PKHD1: variants seen among roughly 807,000 people sequenced by gnomAD.
PKHD1 encodes fibrocystin.
PKHD1 carries 291 observed loss-of-function variants against 412.0 expected under a neutral mutation model. The ratio of observed to expected loss-of-function variants is 0.71; its 90% CI spans 0.64 to 0.78. The LOEUF (loss-of-function observed/expected upper bound fraction) is 0.78. Among genes scored for constraint, PKHD1 ranks in the 30% least tolerant of loss-of-function variants. PKHD1 has a pLI of 0.00. For missense variants in PKHD1, 4,825 were observed against 4,950.7 expected, an observed-to-expected ratio of 0.97 and a Z score of 0.76; for synonymous variants, 1,777 against 1,821.5, an observed-to-expected ratio of 0.98 and a Z score of 0.62.
intron 55 of PKHD1, among the ~76,000 whole-genome samples, chr6:51,770,209 A>G (rs1347458644): frequency 1.3e-5 from 2 of 151,696 alleles, no homozygotes; most frequent in Non-Finnish European, 2.9e-5. Flanking sequence ...TTCACCTTAC[A>G]TTTCCTAGAG....
At chr6:52,050,373 G>A (rs1806621374) in intron 21 of PKHD1, 78 bp from the exon 22 acceptor site, 1 of 1,435,996 alleles carries the variant, frequency 7.0e-7, no homozygotes, top group Non-Finnish European at 9.8e-7. Context: ...AGTTGGAAAT[G>A]TGAGTTACTC....
At chr6:51,880,640 T>G (rs1777106129) in intron 46 of PKHD1, among the ~76,000 whole-genome samples, 1 of 25,362 alleles carries the variant, frequency 3.9e-5, no homozygotes, top group Non-Finnish European at 6.3e-5. Flanking sequence ...GGGGGAGGGA[T>G]AGCATTGGGA....
chr6:51,855,874 A>G lies in PKHD1; in HGVS notation c.7911+19T>C, dbSNP rs201017366. On this transcript the variant is annotated intron_variant, in intron 49 of 66. Coordinates refer to ENST00000371117, the MANE Select transcript of PKHD1 (RefSeq NM_138694.4). ...CAAATGAGAATGCAGCATACCAACT[A>G]ATGGATTCCTTGGGTTACCTGCAGA... 3.4e-4 allele frequency: 539 copies of G among 1,583,284 alleles called. 2 individuals carry two copies. The Middle Eastern group carries it at 3.7e-3, about 11-fold the overall frequency.
At chr6:51,732,193 T>C (rs1783314081) in intron 60 of PKHD1, among the ~76,000 whole-genome samples, 1 of 152,200 alleles carries the variant, frequency 6.6e-6, no homozygotes, top group Non-Finnish European at 1.5e-5. Context: ...TTATATTTCT[T>C]TTGAACAATA....
chr6:51,982,166 A>AC, intron 35 of PKHD1, among the ~76,000 whole-genome samples: 1 of 22,910 alleles, frequency 4.4e-5, no homozygotes, highest in East Asian at 1.0e-3. Flanking sequence ...CCCGGCAGCC[A>AC]CCCCGTCCGG....
intron 55 of PKHD1, among the ~76,000 whole-genome samples, chr6:51,761,231 A>T (rs1787956453): frequency 6.6e-6 from 1 of 152,252 alleles, no homozygotes; most frequent in African/African-American, 2.4e-5. Context: ...TACACTCTGG[A>T]ATACTATTCA....
intron 50 of PKHD1, among the ~76,000 whole-genome samples, chr6:51,843,361 G>C (rs1208607311): frequency 2.0e-5 from 3 of 152,204 alleles, no homozygotes. Context: ...CTCAGGCCTG[G>C]GCCTGACTGA....
chr6:51,730,667 G>A (rs989906), intron 60 of PKHD1, among the ~76,000 whole-genome samples: 151,522 of 152,288 alleles, frequency 0.99, 75,389 homozygotes, highest in Middle Eastern at 1. Flanking sequence ...AACCAGACAA[G>A]CGAATTTTTC....
rs1255271275 is a variant in PKHD1 at position 52,059,938 on chromosome 6, G to A, written c.1223C>T (p.Pro408Leu). Residue 408 changes from proline to leucine, a missense_variant, in exon 15 of 67, where the codon CCA becomes CTA. Coordinates refer to ENST00000371117, the MANE Select transcript of PKHD1 (RefSeq NM_138694.4). ...GAAGACAGTGAATACCTTAGTCCTT[G>A]GTTCCTCTGACCAACTGAAATGCAA... is the stretch of plus-strand genomic sequence containing the variant. ...ASLHFSWSEEPRTKVKVASIS... is the reference protein window; with the variant it reads ...ASLHFSWSEELRTKVKVASIS... The A allele has an allele frequency of 6.7e-7, 1 of 1,502,862 alleles. No homozygotes were observed. Among genetic ancestry groups the A allele is most frequent in the East Asian group, 2.3e-5 (1 of 44,388 alleles). 93.1% of individuals were successfully genotyped at this position (1,502,862 alleles called of 1,614,324 possible). A position where few individuals can be genotyped will look rare whatever the true frequency, so the allele number is the denominator to read the frequency against.
chr6:51,807,605 AG>A (rs1425791686), intron 52 of PKHD1, among the ~76,000 whole-genome samples: 1 of 151,152 alleles, frequency 6.6e-6, no homozygotes, highest in African/African-American at 2.4e-5. Flanking sequence ...TTCTTTTAAA[AG>A]TAACTAATGA....
In PKHD1 at chr6:52,044,921, A is replaced by G. The variant is rs781429714; in HGVS notation, c.2715+45T>C. On this transcript the variant is annotated intron_variant, in intron 25 of 66. Coordinates refer to ENST00000371117, the MANE Select transcript of PKHD1 (RefSeq NM_138694.4). ...TACAAATCAGTGAGGAGTGAGTTAGACTTGAAACTGGAGCTTGCACTTAGG... is the reference window on the plus strand; with the variant it reads ...TACAAATCAGTGAGGAGTGAGTTAGGCTTGAAACTGGAGCTTGCACTTAGG... The G allele has an allele frequency of 1.2e-5, 20 of 1,609,772 alleles. No individual in the cohort carries two copies. In the Admixed American group the frequency reaches 3.2e-4, roughly 26 times the overall value.
intron 25 of PKHD1, among the ~76,000 whole-genome samples, chr6:52,044,587 C>T (rs375934652): frequency 6.6e-6 from 1 of 151,836 alleles, no homozygotes; most frequent in Non-Finnish European, 1.5e-5. Context: ...AGTAGATGAC[C>T]TATAACAGAA....
rs567506746 is a variant in PKHD1 at position 51,807,485 on chromosome 6, ATGTGTG to A, written c.8303-16118_8303-16113del. ...TATATATATATATATATATATGTAT[ATGTGTG>A]TGTGTGTGTGTGTGTGTGTGTGTGT... On this transcript the variant is annotated intron_variant, in intron 52 of 66. Coordinates refer to ENST00000371117, the MANE Select transcript of PKHD1 (RefSeq NM_138694.4). Among the ~76,000 whole-genome samples, 43 of 111,756 alleles carry A rather than the reference ATGTGTG, an allele frequency of 3.8e-4. 1 individual carries two copies. Among genetic ancestry groups the A allele is most frequent in the African/African-American group, 7.4e-4 (19 of 25,790 alleles). 73.3% of individuals were successfully genotyped at this position (111,756 alleles called of 152,430 possible).
chr6:51,702,231 C>CGTATAATATATA (rs1779537276), intron 60 of PKHD1, among the ~76,000 whole-genome samples: 1 of 93,398 alleles, frequency 1.1e-5, no homozygotes, highest in African/African-American at 3.4e-5. Context: ...ATATATATGT[C>CGTATAATATATA]ATGGAATACT....
In PKHD1 at chr6:51,975,963, T is replaced by TGAAAAAAAAAAAAAAAAAAAAAAA. The variant is rs1231391714; in HGVS notation, c.5752-15938_5752-15937insTTTTTTTTTTTTTTTTTTTTTTTC. On this transcript the variant is annotated intron_variant, in intron 35 of 66. Coordinates refer to ENST00000371117, the MANE Select transcript of PKHD1 (RefSeq NM_138694.4). Reference sequence around the variant, plus strand: ...AACATAGCGAGACCCTTTCTCTAATTAAAAAAAAAAAAAAAAAAAAAAAAA... The same window carrying TGAAAAAAAAAAAAAAAAAAAAAAA: ...AACATAGCGAGACCCTTTCTCTAATTGAAAAAAAAAAAAAAAAAAAAAAAAAAAAAAAAAAAAAAAAAAAAAAAA... 5 of 69,766 alleles carry TGAAAAAAAAAAAAAAAAAAAAAAA rather than the reference T, an allele frequency of 7.2e-5. 1 individual carries two copies. Among genetic ancestry groups the TGAAAAAAAAAAAAAAAAAAAAAAA allele is most frequent in the African/African-American group, 2.2e-4 (4 of 18,476 alleles). The allele number at this position is 69,766 out of a possible 1,614,324, so 4.3% of individuals were successfully genotyped here. A position where few individuals can be genotyped will look rare whatever the true frequency, so the allele number is the denominator to read the frequency against.
intron 52 of PKHD1, among the ~76,000 whole-genome samples, chr6:51,826,526 AT>A (rs1767353833): frequency 6.6e-6 from 1 of 152,218 alleles, no homozygotes; most frequent in African/African-American, 2.4e-5. Flanking sequence ...ATCTTTTGCC[AT>A]TTGACCAGCT....
intron 60 of PKHD1, among the ~76,000 whole-genome samples, chr6:51,717,432 T>G (rs188931443): frequency 6.6e-6 from 1 of 151,640 alleles, no homozygotes; most frequent in Non-Finnish European, 1.5e-5. Flanking sequence ...AAAAATGGAC[T>G]GCATATATGA....
At chr6:52,076,389 G>A in intron 5 of PKHD1, 56 bp from the exon 6 acceptor site, 1 of 1,298,994 alleles carries the variant, frequency 7.7e-7, no homozygotes, top group Non-Finnish European at 1.1e-6. Context: ...CACAAACACA[G>A]GAGGCACAAG....
intron 52 of PKHD1, among the ~76,000 whole-genome samples, chr6:51,819,144 CT>C (rs2151441408): frequency 6.6e-6 from 1 of 152,230 alleles, no homozygotes; most frequent in South Asian, 2.1e-4. Context: ...AAATGTTTCC[CT>C]GAATCCTCAG....
Sources: gnomAD v4.1 joint callset for allele counts (sites outside exome capture counted in the v4.1 genomes callset) on GRCh38, gnomAD v4.1.1 for gene constraint, MANE v1.5 for transcripts, NCBI Gene and HGNC (gene_info 2026-07-23, HGNC 2026-07-21) for gene names.